The following PTPRM variants were observed in gnomAD, a reference collection of about 807,000 sequenced individuals.
The protein encoded by PTPRM is receptor-type tyrosine-protein phosphatase mu.
In PTPRM, 47 loss-of-function variants were observed where a neutral mutation model predicts 186.7. That is an observed-to-expected ratio of 0.25 (90% CI 0.20 to 0.32). The LOEUF (loss-of-function observed/expected upper bound fraction) is 0.32. PTPRM is among the 10% of genes least tolerant of loss of function. The pLI is 1.00. For missense variants in PTPRM, 1,494 were observed against 1,865.0 expected, an observed-to-expected ratio of 0.80 and a Z score of 3.66; for synonymous variants, 668 against 674.9, an observed-to-expected ratio of 0.99 and a Z score of 0.16.
chr18:7,630,673 A>C (rs1047823774), intron 1 of PTPRM, among the ~76,000 whole-genome samples: 2 of 152,194 alleles, frequency 1.3e-5, no homozygotes, highest in African/African-American at 4.8e-5. Flanking sequence ...TTAAAGTTTC[A>C]TCTTTGTTAT....
chr18:7,912,232 C>T (rs1403874389), intron 4 of PTPRM, among the ~76,000 whole-genome samples: 1 of 152,130 alleles, frequency 6.6e-6, no homozygotes, highest in African/African-American at 2.4e-5. Flanking sequence ...GGTGAAAATT[C>T]ATTCTTTTGC....
At position 8,035,304 on chromosome 18, in the gene PTPRM, C is replaced by T. The variant is rs140314942; in HGVS notation, c.1133-34382C>T. Among the ~76,000 whole-genome samples, 752 of 152,244 alleles carry T rather than the reference C, an allele frequency of 4.9e-3. 4 individuals are homozygous for T. The highest frequency in any genetic ancestry group is 0.028 in the South Asian group (137 of 4,810). On this transcript the variant is annotated intron_variant, in intron 7 of 32. Transcript: ENST00000580170. ...AGTTTAATTCTTAGATTTATTCTAT[C>T]TGTGAAGAAAAATAACCTGCAAATC...
intron 23 of PTPRM, among the ~76,000 whole-genome samples, chr18:8,346,785 C>T (rs774723239): frequency 4.2e-5 from 6 of 142,698 alleles, no homozygotes; most frequent in Non-Finnish European, 7.5e-5. Context: ...CCTACTTTTA[C>T]TATGAAAACA....
intron 1 of PTPRM, among the ~76,000 whole-genome samples, chr18:7,773,697 C>T (rs374375079): frequency 2.0e-5 from 3 of 151,786 alleles, no homozygotes; most frequent in African/African-American, 7.3e-5. Flanking sequence ...GCGATTCTCT[C>T]AGCCTCCTGA....
At chr18:7,636,076 GAGAAAGAGAGCCTTTCAAAAAGT>G (rs1407554374) in intron 1 of PTPRM, among the ~76,000 whole-genome samples, 1 of 152,222 alleles carries the variant, frequency 6.6e-6, no homozygotes, top group Non-Finnish European at 1.5e-5. Context: ...ACTCACATGA[GAGAAAGAGAGCCTTTCAAAAAGT>G]ATTTGCTTGG....
At chr18:8,063,510 G>A (rs2088795679) in intron 7 of PTPRM, among the ~76,000 whole-genome samples, 1 of 152,076 alleles carries the variant, frequency 6.6e-6, no homozygotes, top group Admixed American at 6.5e-5. Context: ...CATCATTCAG[G>A]GAGAATAAAA....
chr18:7,767,403 A>ATTTT (rs2042064467), intron 1 of PTPRM, among the ~76,000 whole-genome samples: 1 of 152,206 alleles, frequency 6.6e-6, no homozygotes, highest in Non-Finnish European at 1.5e-5. Flanking sequence ...ACAATTTTTA[A>ATTTT]TATACTGCTT....
At chr18:8,181,798 C>A (rs528801558) in intron 14 of PTPRM, among the ~76,000 whole-genome samples, 4 of 151,870 alleles carry the variant, frequency 2.6e-5, no homozygotes, top group Non-Finnish European at 4.4e-5. Context: ...TCGGTGCTGG[C>A]AGTGTTGCAA....
intron 2 of PTPRM, among the ~76,000 whole-genome samples, chr18:7,856,950 T>C (rs947655610): frequency 1.5e-4 from 23 of 152,322 alleles, no homozygotes; most frequent in Non-Finnish European, 2.6e-4. Flanking sequence ...CATTATCTCC[T>C]GGCTGATGTC....
At chr18:8,240,835 A>G (rs1312192799) in intron 14 of PTPRM, among the ~76,000 whole-genome samples, 1 of 131,508 alleles carries the variant, frequency 7.6e-6, no homozygotes, top group African/African-American at 2.9e-5. Context: ...AGAAAGAAAG[A>G]AAGAAAGAAA....
At chr18:7,691,539 A>G (rs2039732523) in intron 1 of PTPRM, among the ~76,000 whole-genome samples, 1 of 152,164 alleles carries the variant, frequency 6.6e-6, no homozygotes, top group South Asian at 2.1e-4. Context: ...TATATCTCAT[A>G]TAGTCCTAAC....
chr18:7,694,982 C>G (rs948885220), intron 1 of PTPRM, among the ~76,000 whole-genome samples: 1 of 152,144 alleles, frequency 6.6e-6, no homozygotes, highest in Non-Finnish European at 1.5e-5. Context: ...AAGCGCTTTT[C>G]CATTTAATCC....
intron 5 of PTPRM, among the ~76,000 whole-genome samples, chr18:7,931,355 A>G (rs2146854007): frequency 6.6e-6 from 1 of 152,332 alleles, no homozygotes; most frequent in South Asian, 2.1e-4. Context: ...CACTGAAAAG[A>G]GAAAATGGAA....
intron 7 of PTPRM, among the ~76,000 whole-genome samples, chr18:8,057,608 C>G (rs1189221215): frequency 3.8e-5 from 4 of 104,278 alleles, no homozygotes; most frequent in Non-Finnish European, 7.5e-5. Flanking sequence ...CCCCCCTCCC[C>G]CCACCCCACC....
intron 5 of PTPRM, among the ~76,000 whole-genome samples, chr18:7,943,409 G>A (rs559764413): frequency 5.3e-5 from 8 of 151,928 alleles, no homozygotes; most frequent in Admixed American, 1.3e-4. Flanking sequence ...ACTCTACTTC[G>A]GTGACCCAAC....
intron 7 of PTPRM, among the ~76,000 whole-genome samples, chr18:7,960,480 T>TATATATAC (rs1300573371): frequency 2.5e-3 from 215 of 86,552 alleles, no homozygotes; most frequent in African/African-American, 8.8e-3. Context: ...TATATATATA[T>TATATATAC]ACACACACAC....
At chr18:7,876,069 G>A (rs919424677) in intron 2 of PTPRM, among the ~76,000 whole-genome samples, 2 of 152,062 alleles carry the variant, frequency 1.3e-5, no homozygotes, top group Admixed American at 6.6e-5. Flanking sequence ...GACTGCAGTT[G>A]TGTATATGGT....
chr18:8,348,017 G>T (rs1353073310), intron 23 of PTPRM, among the ~76,000 whole-genome samples: 1 of 152,222 alleles, frequency 6.6e-6, no homozygotes, highest in Non-Finnish European at 1.5e-5. Flanking sequence ...GTTCCAGGCT[G>T]TTTCCCATTG....
At chr18:7,904,924 T>G (rs765109428) in intron 3 of PTPRM, among the ~76,000 whole-genome samples, 3 of 152,244 alleles carry the variant, frequency 2.0e-5, no homozygotes, top group Admixed American at 1.3e-4. Context: ...ACTGACACTT[T>G]TAGTCAATTA....
Sources: gnomAD v4.1 joint callset for allele counts (sites outside exome capture counted in the v4.1 genomes callset) on GRCh38, gnomAD v4.1.1 for gene constraint, MANE v1.5 for transcripts, NCBI Gene and HGNC (gene_info 2026-07-23, HGNC 2026-07-21) for gene names.